The following OTUD7A variants were observed in gnomAD, a reference collection of about 807,000 sequenced individuals.
OTUD7A encodes OTU domain-containing protein 7A.
A neutral mutation model predicts 65.7 loss-of-function variants in OTUD7A; 12 were observed. The observed-to-expected ratio is 0.18, with a 90% CI of 0.12 to 0.30. The LOEUF is 0.30. Among genes scored for constraint, OTUD7A ranks in the 10% least tolerant of loss-of-function variants. OTUD7A has a pLI of 1.00. For missense variants in OTUD7A, 1,148 were observed against 1,304.8 expected, an observed-to-expected ratio of 0.88 and a Z score of 1.85; for synonymous variants, 641 against 586.3, an observed-to-expected ratio of 1.09 and a Z score of -1.35.
chr15:31,851,468 G>A (rs1449548950), intron 1 of OTUD7A, among the ~76,000 whole-genome samples: 1 of 152,234 alleles, frequency 6.6e-6, no homozygotes, highest in Non-Finnish European at 1.5e-5. Context: ...CAGAGAAACT[G>A]ATGGTTCATT....
chr15:31,527,142 C>T (rs565718063), intron 7 of OTUD7A, 39 bp downstream of exon 7: 2 of 1,612,292 alleles, frequency 1.2e-6, no homozygotes, highest in South Asian at 2.2e-5. Context: ...CTGCATCTGG[C>T]CTGGGTCCCG....
At chr15:31,613,944 T>C (rs906786684) in intron 3 of OTUD7A, among the ~76,000 whole-genome samples, 2 of 152,168 alleles carry the variant, frequency 1.3e-5, no homozygotes, top group South Asian at 2.1e-4. Context: ...TATATATATG[T>C]ATACACAATG....
intron 1 of OTUD7A, among the ~76,000 whole-genome samples, chr15:31,804,464 C>T (rs1051252780): frequency 9.2e-5 from 14 of 152,182 alleles, no homozygotes; most frequent in African/African-American, 3.4e-4. Context: ...CAACCCCTCC[C>T]GAGGGACTAA....
chr15:31,596,969 G>C (rs1281807386), intron 3 of OTUD7A, among the ~76,000 whole-genome samples: 1 of 152,050 alleles, frequency 6.6e-6, no homozygotes, highest in Admixed American at 6.5e-5. Context: ...CTATTACCCA[G>C]GCTGGAGTGC....
At chr15:31,507,189 A>C (rs2041588700) in intron 8 of OTUD7A, among the ~76,000 whole-genome samples, 1 of 152,218 alleles carries the variant, frequency 6.6e-6, no homozygotes, top group Admixed American at 6.5e-5. Context: ...TATTTTAAAA[A>C]TATTTAGGGT....
intron 3 of OTUD7A, among the ~76,000 whole-genome samples, chr15:31,616,078 G>A (rs1459956716): frequency 6.6e-6 from 1 of 152,202 alleles, no homozygotes; most frequent in Non-Finnish European, 1.5e-5. Flanking sequence ...TAATAAAGCG[G>A]TGAAACCTCT....
intron 1 of OTUD7A, among the ~76,000 whole-genome samples, chr15:31,710,868 C>T (rs1893426108): frequency 6.6e-6 from 1 of 152,132 alleles, no homozygotes; most frequent in Non-Finnish European, 1.5e-5. Flanking sequence ...AGGCCACAAA[C>T]TTGGGGTAGG....
chr15:31,646,402 CTCTT>C (rs1490766081), intron 3 of OTUD7A, among the ~76,000 whole-genome samples: 1 of 151,944 alleles, frequency 6.6e-6, no homozygotes, highest in South Asian at 2.1e-4. Flanking sequence ...CTTTCTTTCT[CTCTT>C]TCTCTCTCTC....
chr15:31,660,592 A>G (rs1247354302), intron 1 of OTUD7A, among the ~76,000 whole-genome samples: 8 of 152,206 alleles, frequency 5.3e-5, no homozygotes. Flanking sequence ...AGAGATAAAG[A>G]TGAGTCTAAG....
rs548840543 is a variant in OTUD7A at position 31,640,943 on chromosome 15, C to T, written c.151+14153G>A. Among the ~76,000 whole-genome samples the T allele has an allele frequency of 2.9e-3, 440 of 152,230 alleles. 5 individuals carry two copies. The highest frequency in any genetic ancestry group is 0.01 in the African/African-American group (425 of 41,524). On this transcript the variant is annotated intron_variant, in intron 3 of 12. Coordinates refer to ENST00000307050, the MANE Select transcript of OTUD7A (RefSeq NM_001382637.1). ...GTCTTCATGTTGAACATTTGATCAA[C>T]ATCACAGTTTTGATTACTGTACTCT...
intron 3 of OTUD7A, among the ~76,000 whole-genome samples, chr15:31,580,835 G>C (rs1417482373): frequency 6.6e-6 from 1 of 152,090 alleles, no homozygotes; most frequent in Admixed American, 6.5e-5. Context: ...GGTGAGATTT[G>C]GGTGAGGACA....
chr15:31,793,920 T>C (rs574741390), intron 1 of OTUD7A, among the ~76,000 whole-genome samples: 1 of 152,382 alleles, frequency 6.6e-6, no homozygotes, highest in East Asian at 1.9e-4. Flanking sequence ...TGTCTATTGA[T>C]GCTACCAAGG....
intron 1 of OTUD7A, among the ~76,000 whole-genome samples, chr15:31,765,154 G>C (rs1895064563): frequency 6.6e-6 from 1 of 151,900 alleles, no homozygotes; most frequent in Admixed American, 6.6e-5. Context: ...TTGAACAAAT[G>C]AATGACTGAA....
chr15:31,638,363 A>G (rs1484681790), intron 3 of OTUD7A, among the ~76,000 whole-genome samples: 1 of 148,502 alleles, frequency 6.7e-6, no homozygotes, highest in African/African-American at 2.5e-5. Context: ...AGACTACAGA[A>G]TAGTATAAAG....
chr15:31,603,335 C>G (rs1021802553), intron 3 of OTUD7A, among the ~76,000 whole-genome samples: 1 of 152,160 alleles, frequency 6.6e-6, no homozygotes, highest in Non-Finnish European at 1.5e-5. Context: ...CATAAACAAG[C>G]AATGGGGAAA....
At chr15:31,807,256 C>T (rs993352718) in intron 1 of OTUD7A, among the ~76,000 whole-genome samples, 1 of 152,174 alleles carries the variant, frequency 6.6e-6, no homozygotes, top group Non-Finnish European at 1.5e-5. Context: ...CTATGGTTCA[C>T]ACTAGATCTC....
intron 4 of OTUD7A, among the ~76,000 whole-genome samples, chr15:31,568,098 G>A (rs539293356): frequency 2.0e-5 from 3 of 152,364 alleles, no homozygotes; most frequent in South Asian, 2.1e-4. Context: ...TAGTAAAGCC[G>A]TGAGAAGGGG....
At chr15:31,587,502 G>T (rs896637972) in intron 3 of OTUD7A, among the ~76,000 whole-genome samples, 25 of 152,074 alleles carry the variant, frequency 1.6e-4, no homozygotes, top group African/African-American at 5.6e-4. Context: ...TTAGCCAGGT[G>T]TGGTGGCAGG....
rs2041129019 is a variant in OTUD7A at position 31,482,061 on chromosome 15, G to T, written c.*1233C>A. On this transcript the variant is annotated 3_prime_UTR_variant, in exon 13 of 13. Coordinates refer to ENST00000307050, the MANE Select transcript of OTUD7A (RefSeq NM_001382637.1). ...AACGGTGTTCTCCGGAGGTAATCTTGGAAGGAAGAGGCTGCATATTGCTGC... is the reference window on the plus strand; with the variant it reads ...AACGGTGTTCTCCGGAGGTAATCTTTGAAGGAAGAGGCTGCATATTGCTGC... 1.3e-5 allele frequency: 2 copies of T among 152,232 alleles called. No individual in the cohort carries two copies. The highest frequency in any genetic ancestry group is 1.3e-4 in the Admixed American group (2 of 15,286). The allele number at this position is 152,232 out of a possible 1,614,324, so 9.4% of individuals were successfully genotyped here.
Sources: allele counts gnomAD v4.1 joint callset (sites outside exome capture counted in the v4.1 genomes callset), GRCh38; gene constraint gnomAD v4.1.1; transcripts MANE v1.5; gene names NCBI Gene and HGNC (gene_info 2026-07-23, HGNC 2026-07-21).